The following FBN2 variants were observed in gnomAD, a reference collection of about 807,000 sequenced individuals.
FBN2 encodes fibrillin-2.
A neutral mutation model predicts 355.6 loss-of-function variants in FBN2; 105 were observed. The observed-to-expected ratio is 0.30, with a 90% confidence interval of 0.25 to 0.35. The LOEUF (loss-of-function observed/expected upper bound fraction) is 0.35, where lower values mean the gene tolerates loss of function less well. Ranked by LOEUF, FBN2 falls within the 10% of genes least tolerant of loss-of-function variation. FBN2 has a pLI of 1.00. For synonymous variants in FBN2, 1,350 were observed against 1,301.2 expected (o/e 1.04, Z -0.81); for missense variants, 3,280 against 3,758.7 (o/e 0.87, Z 3.33).
chr5:128,370,838 G>C (rs949801902), intron 15 of FBN2, among the ~76,000 whole-genome samples: 3 of 152,124 alleles, frequency 2.0e-5, no homozygotes, highest in Non-Finnish European at 4.4e-5. Context: ...TCTCTTTAGA[G>C]TACCCAACAC....
chr5:128,530,573 A>G (rs201792431), intron 3 of FBN2, 22 bp downstream of exon 3: 1 of 1,528,696 alleles, frequency 6.5e-7, no homozygotes, highest in African/African-American at 1.4e-5. Context: ...TGCAGTGAAA[A>G]GGCCACAAGT....
intron 48 of FBN2, among the ~76,000 whole-genome samples, chr5:128,297,328 A>T (rs1185571783): frequency 1.3e-5 from 2 of 152,102 alleles, no homozygotes; most frequent in Admixed American, 6.5e-5. Flanking sequence ...TTTGGGGTGG[A>T]GAGTTCTGTA....
At chr5:128,431,371 T>C (rs1005664538) in intron 7 of FBN2, among the ~76,000 whole-genome samples, 1 of 152,318 alleles carries the variant, frequency 6.6e-6, no homozygotes. Flanking sequence ...AAACCATGCA[T>C]GGTACTGAAC....
chr5:128,488,754 G>A (rs1755417457), intron 5 of FBN2, among the ~76,000 whole-genome samples: 1 of 149,910 alleles, frequency 6.7e-6, no homozygotes, highest in Non-Finnish European at 1.5e-5. Flanking sequence ...TGTGGTGTTT[G>A]ATTTTTTGTC....
intron 60 of FBN2, 128 bp downstream of exon 60, chr5:128,274,439 A>G: frequency 1.4e-6 from 1 of 707,498 alleles, no homozygotes; most frequent in South Asian, 1.6e-5. Context: ...ACTTCTTTAG[A>G]CCACAAATTA....
chr5:128,500,165 A>C (rs1755766163), intron 5 of FBN2, among the ~76,000 whole-genome samples: 1 of 152,056 alleles, frequency 6.6e-6, no homozygotes, highest in Admixed American at 6.6e-5. Context: ...TGATAAAAAA[A>C]ATTCCTGGAA....
chr5:128,359,583 C>T (rs1751586580), intron 19 of FBN2, among the ~76,000 whole-genome samples: 1 of 152,052 alleles, frequency 6.6e-6, no homozygotes, highest in African/African-American at 2.4e-5. Flanking sequence ...AAAGAGTTGT[C>T]TATCATTTCT....
chr5:128,491,559 C>T (rs1026987312), intron 5 of FBN2, among the ~76,000 whole-genome samples: 1 of 152,222 alleles, frequency 6.6e-6, no homozygotes, highest in Non-Finnish European at 1.5e-5. Context: ...CCACTGTAAG[C>T]TTACGGCTTT....
At chr5:128,445,776 C>A (rs145918006) in intron 7 of FBN2, among the ~76,000 whole-genome samples, 1 of 152,030 alleles carries the variant, frequency 6.6e-6, no homozygotes. Flanking sequence ...ATCATTGAAG[C>A]CACATGCACT....
intron 11 of FBN2, among the ~76,000 whole-genome samples, chr5:128,390,101 T>C (rs1295508582): frequency 6.6e-6 from 1 of 152,204 alleles, no homozygotes; most frequent in African/African-American, 2.4e-5. Context: ...AGATTGGATA[T>C]TCCTGATGGT....
intron 14 of FBN2, 97 bp downstream of exon 14, chr5:128,376,634 G>T: frequency 1.4e-6 from 2 of 1,397,922 alleles, no homozygotes. Flanking sequence ...TAATATGAAA[G>T]CCACATGGGG....
intron 7 of FBN2, among the ~76,000 whole-genome samples, chr5:128,424,115 T>A (rs1561450193): frequency 6.6e-6 from 1 of 151,986 alleles, no homozygotes; most frequent in East Asian, 1.9e-4. Context: ...GAGATAATTG[T>A]GGGATGTTTA....
At chr5:128,399,627 A>G (rs939511442) in intron 8 of FBN2, among the ~76,000 whole-genome samples, 2 of 152,312 alleles carry the variant, frequency 1.3e-5, no homozygotes, top group South Asian at 4.1e-4. Context: ...ATTAAACAAT[A>G]ATGATTAAGT....
chr5:128,439,816 A>G (rs575469210), intron 7 of FBN2, among the ~76,000 whole-genome samples: 2 of 152,254 alleles, frequency 1.3e-5, no homozygotes, highest in South Asian at 4.1e-4. Flanking sequence ...CTCAGGTCTA[A>G]GACTATATAA....
At chr5:128,445,234 C>A (rs1754034969) in intron 7 of FBN2, among the ~76,000 whole-genome samples, 3 of 152,020 alleles carry the variant, frequency 2.0e-5, no homozygotes, top group Admixed American at 6.6e-5. Context: ...AAATAATCAA[C>A]TATGTTTTTT....
At chr5:128,448,131 G>T (rs1055553250) in intron 6 of FBN2, among the ~76,000 whole-genome samples, 8 of 152,204 alleles carry the variant, frequency 5.3e-5, no homozygotes, top group African/African-American at 1.9e-4. Flanking sequence ...TGTAGACCCA[G>T]AGCAGAATTA....
intron 6 of FBN2, among the ~76,000 whole-genome samples, chr5:128,455,990 C>CAACA (rs1754376055): frequency 4.0e-5 from 1 of 25,274 alleles, no homozygotes; most frequent in Non-Finnish European, 7.9e-5. Context: ...GGGTTAGCAA[C>CAACA]AAAAAAAAAA....
intron 64 of FBN2, among the ~76,000 whole-genome samples, chr5:128,260,338 G>A (rs1764933554): frequency 6.6e-6 from 1 of 152,162 alleles, no homozygotes; most frequent in Non-Finnish European, 1.5e-5. Context: ...GCTATCAGAG[G>A]TACACAGAGT....
At chr5:128,469,700 G>T (rs1056213880) in intron 5 of FBN2, among the ~76,000 whole-genome samples, 9 of 152,222 alleles carry the variant, frequency 5.9e-5, no homozygotes, top group African/African-American at 1.9e-4. Context: ...ACAGAGCTTG[G>T]AATAAAAGTT....
Sources: allele counts gnomAD v4.1 joint callset (sites outside exome capture counted in the v4.1 genomes callset), GRCh38; gene constraint gnomAD v4.1.1; transcripts MANE v1.5; gene names NCBI Gene and HGNC (gene_info 2026-07-23, HGNC 2026-07-21).